ARID1B: variants seen among roughly 807,000 people sequenced by gnomAD.
ARID1B encodes the protein AT-rich interaction domain 1B.
ARID1B carries 30 observed loss-of-function variants against 212.3 expected under a neutral mutation model. The observed-to-expected ratio is 0.14, with a 90% CI of 0.11 to 0.19. The LOEUF is 0.19. ARID1B is among the 10% of genes least tolerant of loss of function. The pLI is 1.00. For missense variants in ARID1B, 2,891 were observed against 3,204.0 expected, an observed-to-expected ratio of 0.90 and a Z score of 2.36; for synonymous variants, 1,402 against 1,301.7, an observed-to-expected ratio of 1.08 and a Z score of -1.66.
chr6:157,148,757 C>T lies in ARID1B; in HGVS notation c.2895C>T (p.Pro965=). Residue 965 remains proline (P), a synonymous_variant, in exon 8 of 20, where the codon CCC becomes CCT. Coordinates refer to ENST00000636930, the MANE Select transcript of ARID1B (RefSeq NM_001374828.1). The surrounding 1 kb of genome is among the most constrained non-coding windows in gnomAD (Gnocchi z 5.6). The stretch of plus-strand genomic sequence containing the variant: ...CAAGCCAGCCATGTGGTGCTGTGCC[C>T]CTGGGACGAATGCCATCAGCTGGGA... ...QGPSQPCGAV[P]LGRMPSAGMQ... The T allele has an allele frequency of 6.2e-7, 1 of 1,613,218 alleles. No homozygotes were observed. Among genetic ancestry groups the T allele is most frequent in the South Asian group, 1.1e-5 (1 of 91,086 alleles).
intron 4 of ARID1B, chr6:156,937,602 G>A (rs1156497848): frequency 6.6e-6 from 1 of 152,230 alleles, no homozygotes; most frequent in South Asian, 2.1e-4. Flanking sequence ...TAACTCTACA[G>A]TGTTATTAGG....
At chr6:156,943,301 C>T (rs1237510466) in intron 4 of ARID1B, 1 of 152,142 alleles carries the variant, frequency 6.6e-6, no homozygotes, top group Non-Finnish European at 1.5e-5. Context: ...CTCCCACCCC[C>T]TAGCTTCAGG....
intron 4 of ARID1B, among the ~76,000 whole-genome samples, chr6:156,995,810 C>T (rs1335173233): frequency 6.6e-6 from 1 of 152,142 alleles, no homozygotes; most frequent in African/African-American, 2.4e-5. Context: ...ACAGGACGCA[C>T]GGTTAAATTT....
intron 4 of ARID1B, among the ~76,000 whole-genome samples, chr6:156,989,365 A>T (rs2030000846): frequency 6.6e-6 from 1 of 152,232 alleles, no homozygotes; most frequent in Admixed American, 6.5e-5. Flanking sequence ...TTTTGCGGTT[A>T]TGAAGATTCC....
chr6:156,796,351 G>A (rs1446424084), intron 1 of ARID1B, among the ~76,000 whole-genome samples: 1 of 150,990 alleles, frequency 6.6e-6, no homozygotes, highest in African/African-American at 2.4e-5. Context: ...AACAAAATCT[G>A]TAACCTGCTT....
At chr6:157,199,771 C>G (rs1035844213) in intron 17 of ARID1B, among the ~76,000 whole-genome samples, 3 of 151,964 alleles carry the variant, frequency 2.0e-5, no homozygotes, top group Non-Finnish European at 4.4e-5. Flanking sequence ...TCAAGCGATT[C>G]TCCTGCCTCA....
At chr6:157,073,413 C>T (rs868215148) in intron 4 of ARID1B, among the ~76,000 whole-genome samples, 5 of 152,158 alleles carry the variant, frequency 3.3e-5, no homozygotes, top group Middle Eastern at 3.4e-3. Context: ...CCTATGCACC[C>T]CATCTTTTAA....
rs1177807875 is a variant in ARID1B, at chr6:157,004,897, C to CTTTTTTTTTTTTTTTTTTTTTTTTTTTT, written c.2247+69328_2247+69355dup. 2.2e-4 allele frequency among the ~76,000 whole-genome samples: 12 copies of CTTTTTTTTTTTTTTTTTTTTTTTTTTTT among 54,736 alleles called. 1 individual carries two copies. Among genetic ancestry groups the CTTTTTTTTTTTTTTTTTTTTTTTTTTTT allele is most frequent in the Non-Finnish European group, 4.0e-4 (11 of 27,312 alleles). The allele number at this position is 54,736 out of a possible 152,430, so 35.9% of individuals were successfully genotyped here. On this transcript the variant is annotated intron_variant, in intron 4 of 19. Coordinates refer to ENST00000636930, the MANE Select transcript of ARID1B (RefSeq NM_001374828.1). Reference sequence around the variant, plus strand: ...TTTTTTCTTTTTCTTCTTCTTTTTTCTTTTTTTTTTTTTTTTTTTTTTTTT... The same window carrying CTTTTTTTTTTTTTTTTTTTTTTTTTTTT: ...TTTTTTCTTTTTCTTCTTCTTTTTTCTTTTTTTTTTTTTTTTTTTTTTTTTTTTTTTTTTTTTTTTTTTTTTTTTTTTT...
At chr6:156,897,191 A>ACTGCTG (rs576037969) in intron 2 of ARID1B, among the ~76,000 whole-genome samples, 6,066 of 109,360 alleles carry the variant, frequency 0.055, 238 homozygotes, top group Non-Finnish European at 0.071. Context: ...TGCTGCTGCT[A>ACTGCTG]CTGCTGCTGC....
chr6:157,163,785 C>T (rs2128283698), intron 8 of ARID1B, among the ~76,000 whole-genome samples: 1 of 152,352 alleles, frequency 6.6e-6, no homozygotes, highest in East Asian at 1.9e-4. Flanking sequence ...CAGGGCCATA[C>T]ACCAGACAGA....
chr6:156,944,675 AG>A (rs1792928738), intron 4 of ARID1B, among the ~76,000 whole-genome samples: 1 of 152,228 alleles, frequency 6.6e-6, no homozygotes, highest in Non-Finnish European at 1.5e-5. Context: ...TGGTGGGGGA[AG>A]GAAGGCCCTA....
intron 7 of ARID1B, among the ~76,000 whole-genome samples, chr6:157,147,885 C>G (rs1473676229): frequency 4.1e-5 from 4 of 96,996 alleles, no homozygotes; most frequent in African/African-American, 1.9e-4. Context: ...CCCTGCCCTC[C>G]GTCCCTCACC....
intron 8 of ARID1B, among the ~76,000 whole-genome samples, chr6:157,155,259 C>T (rs1342478621): frequency 6.6e-6 from 1 of 152,158 alleles, no homozygotes; most frequent in Non-Finnish European, 1.5e-5. Flanking sequence ...ACTGCTTTGG[C>T]ATTTAACATT....
At chr6:156,970,995 T>C (rs2128345392) in intron 4 of ARID1B, among the ~76,000 whole-genome samples, 1 of 152,334 alleles carries the variant, frequency 6.6e-6, no homozygotes, top group Middle Eastern at 3.4e-3. Context: ...GCCCTGATGC[T>C]AGTCACCCAA....
intron 6 of ARID1B, among the ~76,000 whole-genome samples, chr6:157,114,041 A>G (rs1056361037): frequency 6.6e-6 from 1 of 152,248 alleles, no homozygotes; most frequent in Non-Finnish European, 1.5e-5. Flanking sequence ...ATGTACCAGC[A>G]GCATACACAA....
intron 4 of ARID1B, chr6:156,984,941 AT>A (rs1300762516): frequency 1.3e-5 from 2 of 152,186 alleles, no homozygotes; most frequent in African/African-American, 4.8e-5. Flanking sequence ...CAATCCACTC[AT>A]GTCAGCCTCC....
chr6:156,960,557 TGAATG>T (rs1205581821), intron 4 of ARID1B, among the ~76,000 whole-genome samples: 2 of 152,254 alleles, frequency 1.3e-5, no homozygotes, highest in Non-Finnish European at 2.9e-5. Flanking sequence ...GTGTTTAGTT[TGAATG>T]GGTTTGGGTA....
Position 157,133,032 on chromosome 6 carries a change from T to C in ARID1B, c.2586T>C (p.Phe862=). ...TTCCATTTATTTCCCACTTAGGTTT[T>C]ATGGCAGGCACACAAAGAAACCCTC... The part of the protein sequence containing the change: ...SQSPMPQERG[F]MAGTQRNPQM... Residue 862 remains phenylalanine (F), a synonymous_variant, in exon 7 of 20, where the codon TTT becomes TTC. Transcript: ENST00000636930. The C allele has an allele frequency of 6.3e-7, 1 of 1,598,292 alleles. No individual in the cohort carries two copies. Among genetic ancestry groups the C allele is most frequent in the Non-Finnish European group, 8.5e-7 (1 of 1,174,900 alleles).
chr6:156,867,695 AAGAC>A (rs1785805629), intron 2 of ARID1B, among the ~76,000 whole-genome samples: 2 of 152,186 alleles, frequency 1.3e-5, no homozygotes, highest in African/African-American at 2.4e-5. Context: ...GGTTAAGAAT[AAGAC>A]AGAGAATATA....
Sources: allele counts gnomAD v4.1 joint callset (sites outside exome capture counted in the v4.1 genomes callset), GRCh38; gene constraint gnomAD v4.1.1; non-coding constraint Gnocchi (gnomAD v3.1); transcripts MANE v1.5; gene names NCBI Gene and HGNC (gene_info 2026-07-23, HGNC 2026-07-21).